Variants in KIAA1549 observed in about 807,000 individuals in gnomAD.
KIAA1549 encodes the protein UPF0606 protein KIAA1549.
A neutral mutation model predicts 156.4 loss-of-function variants in KIAA1549; 70 were observed. The ratio of observed to expected loss-of-function variants is 0.45; its 90% CI spans 0.37 to 0.55. KIAA1549 has a LOEUF of 0.55. KIAA1549 is among the 20% of genes least tolerant of loss of function. KIAA1549 has a pLI of 0.00. For missense variants in KIAA1549, 2,428 were observed against 2,540.9 expected, an observed-to-expected ratio of 0.96 and a Z score of 0.96; for synonymous variants, 1,103 against 1,066.4, an observed-to-expected ratio of 1.03 and a Z score of -0.67.
chr7:138,895,527 A>T (rs577853183), intron 9 of KIAA1549, among the ~76,000 whole-genome samples: 2 of 152,264 alleles, frequency 1.3e-5, no homozygotes, highest in South Asian at 4.2e-4. Context: ...AGCCAGTCAC[A>T]AAAGGACAAA....
intron 11 of KIAA1549, 50 bp from the exon 12 acceptor site, chr7:138,879,703 A>C: frequency 1.6e-6 from 2 of 1,212,762 alleles, no homozygotes; most frequent in Non-Finnish European, 2.3e-6. Flanking sequence ...AAGAATGAAA[A>C]GGAAAAAGTC....
chr7:138,930,263 C>A (rs998852696), intron 1 of KIAA1549, among the ~76,000 whole-genome samples: 12 of 152,172 alleles, frequency 7.9e-5, no homozygotes, highest in African/African-American at 2.9e-4. Context: ...TTACAGAGTG[C>A]AAGCAGAGCC....
Position 138,894,337 on chromosome 7 carries a change from G to A in KIAA1549, c.4032+5C>T, listed in dbSNP as rs373889793. On this transcript the variant is annotated splice_donor_5th_base_variant and intron_variant, in intron 10 of 19. Coordinates refer to ENST00000422774, the MANE Select transcript of KIAA1549 (RefSeq NM_001164665.2). ...GGAACACTGGGGGAAGAGGCTGCCC[G>A]TTACCTTCTGACGCTGCTGAATGTT... 49 of 1,613,706 alleles carry A rather than the reference G, an allele frequency of 3.0e-5. 2 individuals are homozygous for A. In the South Asian group the frequency reaches 3.4e-4, roughly 11 times the overall value.
chr7:138,893,494 GA>G, intron 10 of KIAA1549, among the ~76,000 whole-genome samples: 1 of 152,290 alleles, frequency 6.6e-6, no homozygotes, highest in Middle Eastern at 3.4e-3. Flanking sequence ...TTTATTGTAA[GA>G]AAGACCAAAC....
In KIAA1549 at chr7:138,861,320, G is replaced by C; in HGVS notation, c.5066C>G (p.Ser1689Cys). The C allele has an allele frequency of 6.2e-7, 1 of 1,609,156 alleles. No individual in the cohort carries two copies. Among genetic ancestry groups the C allele is most frequent in the Non-Finnish European group, 8.5e-7 (1 of 1,178,432 alleles). The change falls in exon 16 of 20, where the codon TCC (serine) becomes TGC (cysteine). Residue 1689 changes from serine to cysteine, a missense_variant. Physicochemically the swap from Ser to Cys is moderately radical, Grantham distance 112. Around this residue, in one of 5 missense-constraint regions of KIAA1549, gnomAD observed 363 missense variants for 354.0 expected, o/e 1.03. Transcript: ENST00000422774. ...GAGGGCAAAGGCGTCGTCCAGGAGG[G>C]AGTGCATGGTCTGGCGTGCCTCCTC... ...SIEEARQTMHSLLDDAFALVA... is the reference protein window; with the variant it reads ...SIEEARQTMHCLLDDAFALVA...
At chr7:138,925,927 G>C (rs1321921859) in intron 1 of KIAA1549, among the ~76,000 whole-genome samples, 1 of 151,222 alleles carries the variant, frequency 6.6e-6, no homozygotes, top group African/African-American at 2.4e-5. Context: ...AAAACTTATG[G>C]GCAGGCACAC....
rs1232399998 is a variant in KIAA1549, at chr7:138,837,456, T to A, written c.*450A>T. The stretch of plus-strand genomic sequence containing the variant: ...TTCCTATGGAGTAAAAGAGAAAAAT[T>A]AAGCTGTTAATAAAATGTCTTCAAA... On this transcript the variant is annotated 3_prime_UTR_variant, in exon 20 of 20. Coordinates refer to ENST00000422774, the MANE Select transcript of KIAA1549 (RefSeq NM_001164665.2). The A allele has an allele frequency of 4.0e-6, 1 of 253,064 alleles. No individual in the cohort carries two copies. The highest frequency in any genetic ancestry group is 2.2e-5 in the African/African-American group (1 of 45,918). The allele number at this position is 253,064 out of a possible 1,614,324, so 15.7% of individuals were successfully genotyped here.
chr7:138,894,885 T>A (rs1811641242), intron 9 of KIAA1549, among the ~76,000 whole-genome samples: 1 of 152,134 alleles, frequency 6.6e-6, no homozygotes, highest in Admixed American at 6.5e-5. Flanking sequence ...CACAACTTTG[T>A]ACAAAGGCAG....
intron 2 of KIAA1549, among the ~76,000 whole-genome samples, chr7:138,913,299 T>C (rs1018792718): frequency 2.0e-5 from 3 of 152,196 alleles, no homozygotes; most frequent in African/African-American, 4.8e-5. Context: ...CCACTAATCA[T>C]GGGGAAAAAC....
At chr7:138,886,394 C>T (rs1811391418) in intron 10 of KIAA1549, among the ~76,000 whole-genome samples, 1 of 152,104 alleles carries the variant, frequency 6.6e-6, no homozygotes, top group East Asian at 1.9e-4. Flanking sequence ...CCCACCTGAG[C>T]CTCCCAAGGA....
Position 138,916,850 on chromosome 7 carries a change from C to T in KIAA1549, c.2776G>A (p.Ala926Thr), listed in dbSNP as rs1269828180. 2 of 1,613,860 alleles carry T rather than the reference C, an allele frequency of 1.2e-6. No homozygotes were observed. The highest frequency in any genetic ancestry group is 2.7e-5 in the African/African-American group (2 of 74,916). ...PPLPSLRPVT[A>T]FTLEATVDTP... ...TCGACTGTTGCTTCGAGAGTGAAGG[C>T]AGTCACGGGACGCAGGGATGGCAGG... The change falls in exon 2 of 20, where the codon GCC becomes ACC. Residue 926 changes from alanine (A) to threonine (T), a missense_variant. Physicochemically the swap from Ala to Thr is moderately conservative, Grantham distance 58 (BLOSUM62 0). Transcript: ENST00000422774.
intron 1 of KIAA1549, among the ~76,000 whole-genome samples, chr7:138,972,065 G>A (rs1293204538): frequency 2.0e-5 from 3 of 152,102 alleles, no homozygotes; most frequent in Admixed American, 1.3e-4. Context: ...TTGAATGAGG[G>A]CAGTGGTGGC....
chr7:138,925,426 T>A (rs1257278633), intron 1 of KIAA1549, among the ~76,000 whole-genome samples: 1 of 152,122 alleles, frequency 6.6e-6, no homozygotes, highest in Non-Finnish European at 1.5e-5. Context: ...AAGAAACAGG[T>A]TCCTGCCTTC....
chr7:138,844,430 G>C lies in KIAA1549; in HGVS notation c.5339C>G (p.Pro1780Arg), dbSNP rs1460244178. The change falls in exon 18 of 20, where the codon CCC (proline) becomes CGC (arginine). Residue 1780 changes from proline to arginine, a missense_variant. Pro to Arg is a moderately radical substitution (Grantham distance 103). Around this residue, in one of 5 missense-constraint regions of KIAA1549, gnomAD observed 363 missense variants for 354.0 expected, o/e 1.03. Coordinates refer to ENST00000422774, the MANE Select transcript of KIAA1549 (RefSeq NM_001164665.2). ...GGCCTGTGGCTGCTGAGGGTCAGGG[G>C]GCACCAGCTCTGTAGACTGCAGCAA... ...PGLLQSTELV[P>R]PDPQQPQASA... 5.0e-6 allele frequency: 8 copies of C among 1,587,016 alleles called. No individual in the cohort carries two copies. The highest frequency in any genetic ancestry group is 6.9e-6 in the Non-Finnish European group (8 of 1,167,722).
chr7:138,849,739 C>T (rs1810183837), intron 17 of KIAA1549, among the ~76,000 whole-genome samples: 1 of 151,962 alleles, frequency 6.6e-6, no homozygotes, highest in African/African-American at 2.4e-5. Context: ...CAAGTGGGCC[C>T]CAATGTCTGT....
intron 1 of KIAA1549, among the ~76,000 whole-genome samples, chr7:138,940,984 T>C (rs891078901): frequency 5.3e-5 from 8 of 152,172 alleles, no homozygotes; most frequent in African/African-American, 1.4e-4. Context: ...ACTCTGACGG[T>C]AGTTTCTTTT....
At chr7:138,965,420 G>T (rs1813990482) in intron 1 of KIAA1549, among the ~76,000 whole-genome samples, 1 of 152,112 alleles carries the variant, frequency 6.6e-6, no homozygotes. Flanking sequence ...TGAACTCCTG[G>T]GCTCAAGCAA....
rs760244117 is a variant in KIAA1549 at position 138,917,570 on chromosome 7, G to A, written c.2056C>T (p.Pro686Ser). 7.4e-6 allele frequency: 12 copies of A among 1,613,936 alleles called. No individual in the cohort carries two copies. The highest frequency in any genetic ancestry group is 1.3e-5 in the African/African-American group (1 of 75,044). ...GAAAACTCAAGATTTGTGGAACTGG[G>A]AAGAGACAGCTGAGATGACTGCAGA... ...SDLQSSQLSL[P>S]SSTNLEFSQL... Residue 686 changes from proline (P) to serine (S), a missense_variant, in exon 2 of 20, where the codon CCC becomes TCC. Pro to Ser is a moderately conservative substitution (Grantham distance 74). Around this residue, in one of 5 missense-constraint regions of KIAA1549, gnomAD observed 762 missense variants for 901.6 expected, o/e 0.85. Coordinates refer to ENST00000422774, the MANE Select transcript of KIAA1549 (RefSeq NM_001164665.2).
At chr7:138,943,774 G>A (rs1057284759) in intron 1 of KIAA1549, among the ~76,000 whole-genome samples, 18 of 151,942 alleles carry the variant, frequency 1.2e-4, no homozygotes, top group African/African-American at 3.4e-4. Flanking sequence ...GCGTGAACCC[G>A]GAAGGCAGAG....
Sources: gnomAD v4.1 joint callset for allele counts (sites outside exome capture counted in the v4.1 genomes callset) on GRCh38, gnomAD v4.1.1 for gene constraint, gnomAD v4.1.1 regional missense constraint, MANE v1.5 for transcripts, NCBI Gene and HGNC (gene_info 2026-07-23, HGNC 2026-07-21) for gene names.